The following TSHZ1 variants were observed in gnomAD, a reference collection of about 807,000 sequenced individuals.
TSHZ1 encodes the protein teashirt zinc finger homeobox 1.
Under a neutral mutation model 67.1 loss-of-function variants are expected in TSHZ1, and 12 were observed. The observed-to-expected ratio is 0.18, with a 90% CI of 0.11 to 0.29. The LOEUF (loss-of-function observed/expected upper bound fraction) is 0.29, where lower values mean the gene tolerates loss of function less well. Among genes scored for constraint, TSHZ1 ranks in the 10% least tolerant of loss-of-function variants. The probability of loss-of-function intolerance (pLI) is 1.00; values close to 1 mark genes in which losing one functional copy is unlikely to be tolerated. For missense variants in TSHZ1, 1,305 were observed against 1,413.9 expected (o/e 0.92, Z 1.23); for synonymous variants, 632 against 622.4 (o/e 1.02, Z -0.23).
intron 1 of TSHZ1, among the ~76,000 whole-genome samples, chr18:75,233,715 GCCTT>G (rs1165309058): frequency 6.6e-6 from 1 of 151,998 alleles, no homozygotes. Context: ...TTTCCTAGTG[GCCTT>G]CCTTTTTGAG....
intron 1 of TSHZ1, among the ~76,000 whole-genome samples, chr18:75,222,251 G>A (rs1012129867): frequency 1.3e-5 from 2 of 150,914 alleles, no homozygotes; most frequent in Non-Finnish European, 3.0e-5. Context: ...AGCAGGTATT[G>A]AACTGGTATT....
intron 1 of TSHZ1, chr18:75,284,456 A>G (rs1225607332): frequency 2.0e-5 from 3 of 152,262 alleles, no homozygotes. Flanking sequence ...TTAAGTGCAC[A>G]GTTTCATGGC....
chr18:75,246,437 TG>T (rs2023224516), intron 1 of TSHZ1, among the ~76,000 whole-genome samples: 2 of 150,588 alleles, frequency 1.3e-5, no homozygotes, highest in Non-Finnish European at 3.0e-5. Context: ...TGTGTGTGTG[TG>T]TGTGTGTCAG....
Position 75,211,923 on chromosome 18 carries a change from G to GGC in TSHZ1, c.40+13_40+14dup. ...GCCCCCCGGCGCTCGGCAGGTAACG[G>GGC]GCGCGCGGCCCGCGCCGCGGGGAGT... On this transcript the variant is annotated splice_region_variant and intron_variant, in intron 1 of 1. Coordinates refer to ENST00000580243, the MANE Select transcript of TSHZ1 (RefSeq NM_001308210.2). 4 of 1,201,558 alleles carry GGC rather than the reference G, an allele frequency of 3.3e-6. No homozygotes were observed. Among genetic ancestry groups the GGC allele is most frequent in the Non-Finnish European group, 4.1e-6 (4 of 968,772 alleles). 74.4% of individuals were successfully genotyped at this position (1,201,558 alleles called of 1,614,324 possible).
chr18:75,241,549 G>C (rs1568357713), intron 1 of TSHZ1, among the ~76,000 whole-genome samples: 1 of 152,108 alleles, frequency 6.6e-6, no homozygotes, highest in Non-Finnish European at 1.5e-5. Context: ...TCCGCGGATG[G>C]GAAGGGCCAC....
At chr18:75,280,806 G>T (rs534324784) in intron 1 of TSHZ1, 2 of 985,362 alleles carry the variant, frequency 2.0e-6, no homozygotes, top group Non-Finnish European at 2.4e-6. Flanking sequence ...CTATGAGGAG[G>T]ACAGACAGGT....
chr18:75,281,183 G>A lies in TSHZ1; in HGVS notation c.41-4265G>A, dbSNP rs2122612748. ...CAGGAGTGGAGCGAGGTCATCTGGG[G>A]ACGTTGGAAGGCTCTGGCCACAGCT... On this transcript the variant is annotated intron_variant, in intron 1 of 1. Transcript: ENST00000580243. The surrounding 1 kb of genome is among the most constrained non-coding windows in gnomAD (Gnocchi z 5.3). Among the ~76,000 whole-genome samples the A allele has an allele frequency of 6.6e-6, 1 of 152,346 alleles. No homozygotes were observed. The highest frequency in any genetic ancestry group is 2.4e-5 in the African/African-American group (1 of 41,580).
At chr18:75,215,978 G>A (rs2022761541) in intron 1 of TSHZ1, among the ~76,000 whole-genome samples, 1 of 151,884 alleles carries the variant, frequency 6.6e-6, no homozygotes, top group Admixed American at 6.6e-5. Flanking sequence ...GTTTGTGTTT[G>A]TGGGTGTGTG....
intron 1 of TSHZ1, among the ~76,000 whole-genome samples, chr18:75,223,423 T>C (rs1489488228): frequency 6.6e-6 from 1 of 152,162 alleles, no homozygotes; most frequent in Non-Finnish European, 1.5e-5. Context: ...AGCCTCCTCA[T>C]TGATTTGCAC....
At chr18:75,276,238 G>T (rs2023612134) in intron 1 of TSHZ1, among the ~76,000 whole-genome samples, 2 of 151,764 alleles carry the variant, frequency 1.3e-5, no homozygotes, top group Admixed American at 1.3e-4. Context: ...ATTGGGAAAA[G>T]CCATTAGGTC....
chr18:75,269,325 T>G (rs2023529254), intron 1 of TSHZ1, among the ~76,000 whole-genome samples: 1 of 152,198 alleles, frequency 6.6e-6, no homozygotes, highest in Non-Finnish European at 1.5e-5. Flanking sequence ...AGGCACCATG[T>G]TAGCTGCCAG....
intron 1 of TSHZ1, among the ~76,000 whole-genome samples, chr18:75,243,157 G>A (rs1348217723): frequency 6.6e-6 from 1 of 152,194 alleles, no homozygotes; most frequent in Admixed American, 6.5e-5. Context: ...AGGGACAAGA[G>A]GGGTACTGCA....
intron 1 of TSHZ1, among the ~76,000 whole-genome samples, chr18:75,256,136 A>C (rs1206869136): frequency 6.6e-6 from 1 of 152,242 alleles, no homozygotes; most frequent in Non-Finnish European, 1.5e-5. Flanking sequence ...ATCTATTATC[A>C]ATGTAACTAT....
In TSHZ1 at chr18:75,285,575, G is replaced by A. The variant is rs371975193; in HGVS notation, c.168G>A (p.Ala56=). The change falls in exon 2 of 2, where the codon GCG becomes GCA. Residue 56 remains alanine, a synonymous_variant. Transcript: ENST00000580243. ...ATGAAGAGACGGAGATCAAAGAGGC[G>A]CAGAGCTACCAGAACTCCCCAGTCA... ...MCNEETEIKE[A]QSYQNSPVSS... 27 of 1,600,408 alleles carry A rather than the reference G, an allele frequency of 1.7e-5. No homozygotes were observed. The highest frequency in any genetic ancestry group is 2.2e-5 in the South Asian group (2 of 90,406).
Position 75,211,695 on chromosome 18 carries a change from C to CG in TSHZ1, c.-179dup, listed in dbSNP as rs2022692685. On this transcript the variant is annotated 5_prime_UTR_variant, in exon 1 of 2. An upstream open reading frame in the 5' UTR loses its in-frame stop. Transcript: ENST00000580243. ...GCCGCCGCCGCCTCCTGAGCGGCCC[C>CG]GGGCGCGGCGGTCCATGCGAGCGGC... is the stretch of plus-strand genomic sequence containing the variant. The CG allele has an allele frequency of 6.1e-6, 1 of 163,688 alleles. No homozygotes were observed. The highest frequency in any genetic ancestry group is 1.2e-5 in the Non-Finnish European group (1 of 83,252). 10.1% of individuals were successfully genotyped at this position (163,688 alleles called of 1,614,324 possible).
intron 1 of TSHZ1, among the ~76,000 whole-genome samples, chr18:75,249,967 C>G (rs1190503477): frequency 2.8e-5 from 4 of 144,058 alleles, no homozygotes; most frequent in African/African-American, 1.0e-4. Context: ...TCTCACCCCT[C>G]CAGTTGGTGG....
At chr18:75,239,293 GTTTTA>G (rs1303186928) in intron 1 of TSHZ1, among the ~76,000 whole-genome samples, 3 of 152,166 alleles carry the variant, frequency 2.0e-5, no homozygotes, top group Non-Finnish European at 4.4e-5. Context: ...TGTATTAATG[GTTTTA>G]TTTTATTTTA....
intron 1 of TSHZ1, among the ~76,000 whole-genome samples, chr18:75,275,305 G>T (rs1397839919): frequency 1.3e-5 from 2 of 152,180 alleles, no homozygotes; most frequent in African/African-American, 2.4e-5. Flanking sequence ...CCTTGGAAAG[G>T]CCTGTAGAAG....
At chr18:75,241,178 T>C (rs1239988226) in intron 1 of TSHZ1, among the ~76,000 whole-genome samples, 1 of 152,206 alleles carries the variant, frequency 6.6e-6, no homozygotes, top group Non-Finnish European at 1.5e-5. Flanking sequence ...CACGTTCCCA[T>C]GGAAGTGGGT....
Sources: allele counts gnomAD v4.1 joint callset (sites outside exome capture counted in the v4.1 genomes callset), GRCh38; gene constraint gnomAD v4.1.1; non-coding constraint Gnocchi (gnomAD v3.1); transcripts MANE v1.5; gene names NCBI Gene and HGNC (gene_info 2026-07-23, HGNC 2026-07-21).